Variants in SLC8A1 observed in about 807,000 individuals in gnomAD.
The protein encoded by SLC8A1 is sodium/calcium exchanger 1.
In SLC8A1, 18 loss-of-function variants were observed where a neutral mutation model predicts 68.3. The ratio of observed to expected loss-of-function variants is 0.26; its 90% CI spans 0.18 to 0.39. The LOEUF (loss-of-function observed/expected upper bound fraction) is 0.39. SLC8A1 is among the 10% of genes least tolerant of loss of function. The probability of loss-of-function intolerance (pLI) is 1.00; values close to 1 mark genes in which losing one functional copy is unlikely to be tolerated. For missense variants in SLC8A1, 985 were observed against 1,156.7 expected, an observed-to-expected ratio of 0.85 and a Z score of 2.15; for synonymous variants, 475 against 415.5, an observed-to-expected ratio of 1.14 and a Z score of -1.74.
At chr2:40,410,886 A>C (rs1308458348) in intron 2 of SLC8A1, among the ~76,000 whole-genome samples, 2 of 152,106 alleles carry the variant, frequency 1.3e-5, no homozygotes, top group Admixed American at 1.3e-4. Context: ...TAAGTTCAGG[A>C]GTATATAACT....
chr2:40,140,851 A>G (rs191878900), intron 6 of SLC8A1, among the ~76,000 whole-genome samples: 3 of 152,218 alleles, frequency 2.0e-5, no homozygotes, highest in East Asian at 3.9e-4. Flanking sequence ...ATATATCACA[A>G]TTTTGCCAAT....
intron 1 of SLC8A1, among the ~76,000 whole-genome samples, chr2:40,508,917 TC>T (rs1706531219): frequency 6.6e-6 from 1 of 152,104 alleles, no homozygotes; most frequent in Admixed American, 6.6e-5. Context: ...AACATTTAAT[TC>T]CTCAGGGGTA....
At chr2:40,115,316 G>A (rs1406767341) in exon 8 of SLC8A1, 2 of 1,614,022 alleles carry the variant, frequency 1.2e-6, no homozygotes, top group Non-Finnish European at 1.7e-6. Context: ...AGAGCCATAG[G>A]AGCACAAAGA....
intron 6 of SLC8A1, among the ~76,000 whole-genome samples, chr2:40,153,745 T>C (rs1220952489): frequency 6.6e-6 from 1 of 152,184 alleles, no homozygotes; most frequent in East Asian, 1.9e-4. Flanking sequence ...GCTCCAGATA[T>C]AAATACAATT....
chr2:40,488,335 A>C (rs1171425490), intron 1 of SLC8A1, among the ~76,000 whole-genome samples: 1 of 151,896 alleles, frequency 6.6e-6, no homozygotes, highest in Non-Finnish European at 1.5e-5. Context: ...AATGACAGGG[A>C]ATTACCGTGC....
chr2:40,252,450 A>G (rs1232103650), intron 2 of SLC8A1, among the ~76,000 whole-genome samples: 1 of 152,122 alleles, frequency 6.6e-6, no homozygotes, highest in African/African-American at 2.4e-5. Context: ...CTCCTGCCCC[A>G]GCCTCCCAAG....
At chr2:40,418,793 G>A (rs1206170460) in intron 2 of SLC8A1, among the ~76,000 whole-genome samples, 3 of 152,182 alleles carry the variant, frequency 2.0e-5, no homozygotes, top group Non-Finnish European at 4.4e-5. Context: ...CCATCAGAGA[G>A]GGCAGCCAAA....
At chr2:40,375,863 G>C (rs963074232) in intron 2 of SLC8A1, among the ~76,000 whole-genome samples, 1 of 151,980 alleles carries the variant, frequency 6.6e-6, no homozygotes, top group Non-Finnish European at 1.5e-5. Flanking sequence ...TTAGCTGGGC[G>C]CAGTGGTGCA....
intron 2 of SLC8A1, among the ~76,000 whole-genome samples, chr2:40,299,358 T>C (rs1287731772): frequency 6.6e-6 from 1 of 152,186 alleles, no homozygotes; most frequent in Non-Finnish European, 1.5e-5. Flanking sequence ...ATAGGTTTAG[T>C]CACAAGATTG....
At chr2:40,509,389 C>T (rs922234162) in intron 1 of SLC8A1, among the ~76,000 whole-genome samples, 1 of 150,960 alleles carries the variant, frequency 6.6e-6, no homozygotes, top group African/African-American at 2.4e-5. Context: ...CTGTCAGGGA[C>T]CACTCAGTGT....
rs545053762 is a variant in SLC8A1 at position 40,492,890 on chromosome 2, C to G, written c.-25+19459G>C. Among the ~76,000 whole-genome samples the G allele has an allele frequency of 1.7e-3, 259 of 151,474 alleles. 1 individual carries two copies. Among genetic ancestry groups the G allele is most frequent in the African/African-American group, 4.7e-3 (195 of 41,218 alleles). On this transcript the variant is annotated intron_variant, in intron 1 of 7. Coordinates refer to the SLC8A1 transcript ENST00000402441. ...GGAGAAATAGGAACACTTTTACACT[C>G]TTGGTGGGACTGTAAACTAGTTCAA...
intron 2 of SLC8A1, among the ~76,000 whole-genome samples, chr2:40,249,388 C>T (rs2062384391): frequency 6.6e-6 from 1 of 152,144 alleles, no homozygotes; most frequent in African/African-American, 2.4e-5. Flanking sequence ...AGAAACAAAG[C>T]AATGTGTCCC....
At chr2:40,189,311 C>T (rs954385457) in intron 2 of SLC8A1, among the ~76,000 whole-genome samples, 20 of 152,218 alleles carry the variant, frequency 1.3e-4, no homozygotes, top group African/African-American at 4.6e-4. Flanking sequence ...TTTAAAGCAT[C>T]TTCCTGCATA....
At chr2:40,333,751 C>T (rs1195135623) in intron 2 of SLC8A1, among the ~76,000 whole-genome samples, 3 of 152,032 alleles carry the variant, frequency 2.0e-5, no homozygotes, top group African/African-American at 7.2e-5. Flanking sequence ...AATCATCACA[C>T]AAAAAATATC....
chr2:40,155,486 G>C (rs395404), intron 6 of SLC8A1, among the ~76,000 whole-genome samples: 15,158 of 152,038 alleles, frequency 0.1, 894 homozygotes, highest in East Asian at 0.18. Context: ...GCTACCACAA[G>C]GATTAAGTAA....
intron 2 of SLC8A1, among the ~76,000 whole-genome samples, chr2:40,418,629 G>C (rs1018517911): frequency 6.6e-6 from 1 of 152,192 alleles, no homozygotes; most frequent in African/African-American, 2.4e-5. Context: ...AAGGACTCAA[G>C]TGTGAGTAAC....
At chr2:40,314,016 T>C (rs563191872) in intron 2 of SLC8A1, among the ~76,000 whole-genome samples, 4 of 152,230 alleles carry the variant, frequency 2.6e-5, no homozygotes, top group African/African-American at 9.6e-5. Context: ...GAGTAAAAGG[T>C]TTAAATGTTA....
At chr2:40,217,138 T>C (rs2057623338) in intron 2 of SLC8A1, among the ~76,000 whole-genome samples, 1 of 152,230 alleles carries the variant, frequency 6.6e-6, no homozygotes. Context: ...CATTAAAGTC[T>C]TGAATCCATC....
At chr2:40,469,440 C>T (rs1703882291) in intron 1 of SLC8A1, among the ~76,000 whole-genome samples, 1 of 152,030 alleles carries the variant, frequency 6.6e-6, no homozygotes, top group Admixed American at 6.6e-5. Context: ...CTGAGGCCTC[C>T]CAGTCATGCT....
Sources: gnomAD v4.1 joint callset for allele counts (sites outside exome capture counted in the v4.1 genomes callset) on GRCh38, gnomAD v4.1.1 for gene constraint, MANE v1.5 for transcripts, NCBI Gene and HGNC (gene_info 2026-07-23, HGNC 2026-07-21) for gene names.